ZBTB46: variants seen among roughly 807,000 people sequenced by gnomAD.
ZBTB46 encodes zinc finger and BTB domain-containing protein 46.
A neutral mutation model predicts 44.1 loss-of-function variants in ZBTB46; 8 were observed. The ratio of observed to expected loss-of-function variants is 0.18; its 90% CI spans 0.11 to 0.33. ZBTB46 has a LOEUF of 0.33. ZBTB46 is among the 10% of genes least tolerant of loss of function. ZBTB46 has a pLI of 1.00. For missense variants in ZBTB46, 651 were observed against 847.7 expected (o/e 0.77, Z 2.88); for synonymous variants, 409 against 382.3 (o/e 1.07, Z -0.81).
chr20:63,774,695 TTTG>T (rs1362029142), intron 3 of ZBTB46, among the ~76,000 whole-genome samples: 352 of 20,288 alleles, frequency 0.017, 5 homozygotes, highest in Non-Finnish European at 0.031. Context: ...GTGGGTTTTT[TTTG>T]TTTTTTTTTT....
intron 1 of ZBTB46, among the ~76,000 whole-genome samples, chr20:63,802,843 G>A (rs369388527): frequency 7.9e-5 from 12 of 151,520 alleles, no homozygotes; most frequent in South Asian, 6.3e-4. Flanking sequence ...CGCCGCGGCC[G>A]ACGACCGAAC....
chr20:63,827,742 T>A (rs1298995227), intron 1 of ZBTB46, among the ~76,000 whole-genome samples: 7 of 152,248 alleles, frequency 4.6e-5, no homozygotes, highest in Non-Finnish European at 2.9e-5. Context: ...GATAATGATG[T>A]TTAGAAGCAT....
intron 1 of ZBTB46, among the ~76,000 whole-genome samples, chr20:63,793,157 G>C (rs937084223): frequency 9.2e-5 from 14 of 152,346 alleles, no homozygotes; most frequent in Admixed American, 1.3e-4. Context: ...CGGCGGCAGA[G>C]AACAAAGGCC....
chr20:63,833,743 A>G (rs996666169), upstream of ZBTB46, among the ~76,000 whole-genome samples: 1 of 152,216 alleles, frequency 6.6e-6, no homozygotes, highest in African/African-American at 2.4e-5. Context: ...TTTCTGCTCC[A>G]AGAACCAACA....
upstream of ZBTB46, among the ~76,000 whole-genome samples, chr20:63,832,702 G>T (rs2146125915): frequency 6.6e-6 from 1 of 152,140 alleles, no homozygotes; most frequent in East Asian, 1.9e-4. This position sits in a 1 kb window ranked among gnomAD's most constrained non-coding sequence, Gnocchi z 5.0. Flanking sequence ...GGCCCAGGAA[G>T]CCCCGTCGCC....
In ZBTB46 at chr20:63,752,070, G is replaced by A. The variant is rs2092173197; in HGVS notation, c.1398+616C>T. ...CTGCACCCTGCGCCTCGGGGTGGGC[G>A]TTCCAGGACTCCCCGAACCCTTGGG... On this transcript the variant is annotated intron_variant, in intron 4 of 4. Coordinates refer to ENST00000245663, the MANE Select transcript of ZBTB46 (RefSeq NM_001369741.1). This position sits in a 1 kb window ranked among gnomAD's most constrained non-coding sequence, Gnocchi z 5.6. Among the ~76,000 whole-genome samples, 1 of 151,980 alleles carries A rather than the reference G, an allele frequency of 6.6e-6. No homozygotes were observed. The highest frequency in any genetic ancestry group is 1.5e-5 in the Non-Finnish European group (1 of 67,992).
intron 3 of ZBTB46, among the ~76,000 whole-genome samples, chr20:63,759,834 C>A (rs1315962694): frequency 1.3e-5 from 2 of 152,098 alleles, no homozygotes; most frequent in Non-Finnish European, 2.9e-5. Flanking sequence ...TCCAATTTGC[C>A]GATTCTTATC....
At chr20:63,768,030 G>A in intron 3 of ZBTB46, 1 of 985,456 alleles carries the variant, frequency 1.0e-6, no homozygotes, top group Non-Finnish European at 1.2e-6. Context: ...TGGGATAAAA[G>A]CAGCAAGACT....
chr20:63,777,461 T>C (rs2092435256), intron 2 of ZBTB46, among the ~76,000 whole-genome samples: 1 of 152,082 alleles, frequency 6.6e-6, no homozygotes. Flanking sequence ...AGTGAGACCC[T>C]ATCTCAAAAA....
chr20:63,784,558 T>TTA (rs1261466791), intron 2 of ZBTB46, among the ~76,000 whole-genome samples: 2 of 152,202 alleles, frequency 1.3e-5, no homozygotes, highest in Admixed American at 1.3e-4. Flanking sequence ...ATGCAGTAGC[T>TTA]ACACATCCAC....
At chr20:63,807,424 AACTT>A in intron 1 of ZBTB46, among the ~76,000 whole-genome samples, 1 of 152,118 alleles carries the variant, frequency 6.6e-6, no homozygotes, top group African/African-American at 2.4e-5. Flanking sequence ...GGCTCACTGC[AACTT>A]CTACCTCCCG....
chr20:63,772,002 T>TTC (rs1491197878), intron 3 of ZBTB46, among the ~76,000 whole-genome samples: 2 of 13,218 alleles, frequency 1.5e-4, no homozygotes, highest in African/African-American at 6.1e-4. Flanking sequence ...GGGCAAATTC[T>TTC]TTTTTTTTTT....
intron 1 of ZBTB46, among the ~76,000 whole-genome samples, chr20:63,800,769 C>T (rs2092638000): frequency 6.6e-6 from 1 of 152,238 alleles, no homozygotes; most frequent in African/African-American, 2.4e-5. Context: ...CTAGCTGCCT[C>T]CCCTCAGGGC....
At chr20:63,833,706 C>T (rs2092862060), upstream of ZBTB46, among the ~76,000 whole-genome samples, 2 of 152,200 alleles carry the variant, frequency 1.3e-5, no homozygotes, top group African/African-American at 4.8e-5. Flanking sequence ...GGCAACACTG[C>T]CAGTGACGGG....
intron 1 of ZBTB46, among the ~76,000 whole-genome samples, chr20:63,830,457 C>G (rs1475827929): frequency 6.6e-6 from 1 of 150,904 alleles, no homozygotes; most frequent in Non-Finnish European, 1.5e-5. Context: ...CCCTGCGCCC[C>G]GGTTCGGCCG....
intron 1 of ZBTB46, among the ~76,000 whole-genome samples, chr20:63,806,388 C>A (rs1601512793): frequency 2.4e-5 from 3 of 127,442 alleles, no homozygotes; most frequent in Non-Finnish European, 1.6e-5. Context: ...GCCCAGGCAA[C>A]AACAGTGAAA....
intron 4 of ZBTB46, among the ~76,000 whole-genome samples, chr20:63,749,279 A>G (rs994266677): frequency 6.6e-5 from 10 of 152,198 alleles, no homozygotes; most frequent in African/African-American, 2.4e-4. Context: ...CCCTAGAAAC[A>G]GAGCCTCAGA....
chr20:63,824,326 G>A (rs751433421), intron 1 of ZBTB46, among the ~76,000 whole-genome samples: 2 of 152,058 alleles, frequency 1.3e-5, no homozygotes, highest in Admixed American at 6.6e-5. Flanking sequence ...AAATACCTAA[G>A]CTGGCTTTGA....
At chr20:63,774,806 C>T (rs1372629846) in intron 3 of ZBTB46, among the ~76,000 whole-genome samples, 1 of 150,930 alleles carries the variant, frequency 6.6e-6, no homozygotes, top group Admixed American at 6.6e-5. Flanking sequence ...CGGGTTCACG[C>T]CATTCTCCTG....
Sources: gnomAD v4.1 joint callset for allele counts (sites outside exome capture counted in the v4.1 genomes callset) on GRCh38, gnomAD v4.1.1 for gene constraint, Gnocchi (gnomAD v3.1) non-coding constraint, MANE v1.5 for transcripts, NCBI Gene and HGNC (gene_info 2026-07-23, HGNC 2026-07-21) for gene names.